The following WWOX variants were observed in gnomAD, a reference collection of about 807,000 sequenced individuals.
WWOX encodes WW domain containing oxidoreductase.
In WWOX, 69 loss-of-function variants were observed where a neutral mutation model predicts 46.2. That is an observed-to-expected ratio of 1.49 (90% CI 1.23 to 1.82). The LOEUF is 1.82. Ranked by LOEUF, WWOX falls within the 40% of genes most tolerant of loss-of-function variation. The pLI is 0.00. For missense variants in WWOX, 919 were observed against 542.6 expected (o/e 1.69, Z -6.89); for synonymous variants, 359 against 202.6 (o/e 1.77, Z -6.56).
intron 8 of WWOX, among the ~76,000 whole-genome samples, chr16:78,764,579 A>T: frequency 7.3e-6 from 1 of 137,384 alleles, no homozygotes; most frequent in Non-Finnish European, 1.5e-5. Context: ...TTACTCGCTC[A>T]CATGTGCCGT....
intron 8 of WWOX, among the ~76,000 whole-genome samples, chr16:79,108,275 G>A (rs1004390873): frequency 6.6e-6 from 1 of 152,180 alleles, no homozygotes. Flanking sequence ...AAGCATCAGC[G>A]GGGTCCTGCA....
intron 8 of WWOX, among the ~76,000 whole-genome samples, chr16:78,806,061 C>T (rs556680347): frequency 6.6e-6 from 1 of 152,164 alleles, no homozygotes; most frequent in Non-Finnish European, 1.5e-5. Context: ...TAGATCTTAG[C>T]AGTCAAAGCA....
At chr16:78,996,121 CA>C (rs1355857597) in intron 8 of WWOX, 2 of 855,474 alleles carry the variant, frequency 2.3e-6, no homozygotes, top group Non-Finnish European at 2.8e-6. Context: ...CCATGAAAGT[CA>C]GCTCAGGCGT....
At chr16:78,188,663 T>A (rs1360952018) in intron 5 of WWOX, among the ~76,000 whole-genome samples, 1 of 152,056 alleles carries the variant, frequency 6.6e-6, no homozygotes, top group Non-Finnish European at 1.5e-5. Context: ...TGTTACTTGA[T>A]AGACACTAAA....
At chr16:78,454,340 T>C (rs1448374056) in intron 8 of WWOX, among the ~76,000 whole-genome samples, 2 of 130,400 alleles carry the variant, frequency 1.5e-5, no homozygotes, top group Non-Finnish European at 3.1e-5. Context: ...CCCAATACAT[T>C]TATACTTATG....
At chr16:78,936,946 T>C (rs1263476965) in intron 8 of WWOX, among the ~76,000 whole-genome samples, 2 of 152,210 alleles carry the variant, frequency 1.3e-5, no homozygotes, top group Non-Finnish European at 2.9e-5. Context: ...CTTGTAAAGA[T>C]GCTTTTTAAA....
chr16:78,139,832 A>T (rs973483705), intron 4 of WWOX, among the ~76,000 whole-genome samples: 3 of 152,134 alleles, frequency 2.0e-5, no homozygotes, highest in South Asian at 2.1e-4. Context: ...CAATATAAAA[A>T]TGTGTTTTTT....
chr16:79,030,367 A>G (rs988742299), intron 8 of WWOX, among the ~76,000 whole-genome samples: 4 of 152,204 alleles, frequency 2.6e-5, no homozygotes, highest in Admixed American at 2.0e-4. Context: ...GCATTTTTCT[A>G]AATTGCTTTC....
rs991308314 is a variant in WWOX at position 78,355,950 on chromosome 16, G to A, written c.517-30910G>A. ...ATTTGGATATTAAGAAATAATTCTG[G>A]GGATTCTTCCACTCCTGAAATGAGT... On this transcript the variant is annotated intron_variant, in intron 5 of 8. Coordinates refer to ENST00000566780, the MANE Select transcript of WWOX (RefSeq NM_016373.4). 1.4e-5 allele frequency: 3 copies of A among 221,908 alleles called. No individual in the cohort carries two copies. The Admixed American group carries it at 1.7e-4, about 13-fold the overall frequency. The allele number at this position is 221,908 out of a possible 1,614,324, so 13.7% of individuals were successfully genotyped here.
At chr16:78,533,307 A>G (rs1175099497) in intron 8 of WWOX, among the ~76,000 whole-genome samples, 2 of 152,074 alleles carry the variant, frequency 1.3e-5, no homozygotes, top group African/African-American at 4.8e-5. Context: ...CTTTTGGGTC[A>G]GTTGAGTCTA....
At chr16:78,749,624 G>A (rs1327452640) in intron 8 of WWOX, among the ~76,000 whole-genome samples, 1 of 152,178 alleles carries the variant, frequency 6.6e-6, no homozygotes, top group Non-Finnish European at 1.5e-5. Context: ...AAGGAAGCAT[G>A]AATTAGGGTG....
At chr16:78,447,156 A>T (rs1275197820) in intron 8 of WWOX, among the ~76,000 whole-genome samples, 1 of 152,168 alleles carries the variant, frequency 6.6e-6, no homozygotes, top group Non-Finnish European at 1.5e-5. Context: ...TCTTACAAAA[A>T]TCTGGCTCAG....
intron 8 of WWOX, among the ~76,000 whole-genome samples, chr16:79,154,796 G>A (rs771060250): frequency 6.6e-6 from 1 of 152,172 alleles, no homozygotes; most frequent in Non-Finnish European, 1.5e-5. Context: ...AGGTCCTCAT[G>A]AACCTCTGAG....
rs59419812 is a variant in WWOX at position 78,498,214 on chromosome 16, A to AAAAAAAAAAAG, written c.1056+65466_1056+65467insAAAAAAGAAAA. 4.2e-4 allele frequency among the ~76,000 whole-genome samples: 54 copies of AAAAAAAAAAAG among 128,198 alleles called. 4 individuals are homozygous for AAAAAAAAAAAG. Among genetic ancestry groups the AAAAAAAAAAAG allele is most frequent in the East Asian group, 6.8e-4 (3 of 4,414 alleles). 84.1% of individuals were successfully genotyped at this position (128,198 alleles called of 152,430 possible). A position where few individuals can be genotyped will look rare whatever the true frequency, so the allele number is the denominator to read the frequency against. ...AGCAAGACTCCATCTCAAAAAAAAAAAAAAGAAAAAAAAGCATCAGGGTTG... is the reference window on the plus strand; with the variant it reads ...AGCAAGACTCCATCTCAAAAAAAAAAAAAAAAAAAAGAAAAGAAAAAAAAGCATCAGGGTTG... On this transcript the variant is annotated intron_variant, in intron 8 of 8. Coordinates refer to ENST00000566780, the MANE Select transcript of WWOX (RefSeq NM_016373.4).
chr16:78,261,238 A>G (rs1449147026), intron 5 of WWOX, among the ~76,000 whole-genome samples: 1 of 150,108 alleles, frequency 6.7e-6, no homozygotes, highest in Non-Finnish European at 1.5e-5. Flanking sequence ...ACGTGTAGAA[A>G]TGTAAGATTT....
chr16:79,085,804 C>T (rs28680554), intron 8 of WWOX, among the ~76,000 whole-genome samples: 5,738 of 152,114 alleles, frequency 0.038, 362 homozygotes, highest in African/African-American at 0.13. Context: ...CCAGCACTTG[C>T]GGAAGCTGAG....
At chr16:78,865,741 T>C (rs2043989534) in intron 8 of WWOX, among the ~76,000 whole-genome samples, 1 of 152,036 alleles carries the variant, frequency 6.6e-6, no homozygotes, top group Admixed American at 6.6e-5. Context: ...TTAGCCATGC[T>C]TGGTGGCAAG....
intron 8 of WWOX, among the ~76,000 whole-genome samples, chr16:78,573,252 C>T (rs1286865172): frequency 6.6e-6 from 1 of 152,196 alleles, no homozygotes; most frequent in African/African-American, 2.4e-5. Context: ...TGCCACTGCA[C>T]TCCAGCCTGG....
chr16:78,890,916 TC>T (rs1428115530), intron 8 of WWOX: 1 of 152,186 alleles, frequency 6.6e-6, no homozygotes, highest in East Asian at 1.9e-4. Flanking sequence ...CAATCTCCTT[TC>T]ATCAGGGGGA....
Sources: gnomAD v4.1 joint callset for allele counts (sites outside exome capture counted in the v4.1 genomes callset) on GRCh38, gnomAD v4.1.1 for gene constraint, MANE v1.5 for transcripts, NCBI Gene and HGNC (gene_info 2026-07-23, HGNC 2026-07-21) for gene names.